The following NAALADL2 variants were observed in gnomAD, a reference collection of about 807,000 sequenced individuals.
NAALADL2 encodes the protein inactive N-acetylated-alpha-linked acidic dipeptidase-like protein 2.
A neutral mutation model predicts 87.2 loss-of-function variants in NAALADL2; 76 were observed. The observed-to-expected ratio is 0.87, with a 90% CI of 0.72 to 1.05. The LOEUF is 1.05. Among genes scored for constraint, NAALADL2 ranks in the 50% least tolerant of loss-of-function variants. The pLI is 0.00. For synonymous variants in NAALADL2, 354 were observed against 331.0 expected (o/e 1.07, Z -0.75); for missense variants, 1,089 against 945.8 (o/e 1.15, Z -1.99).
At chr3:175,771,401 T>A (rs917289090) in intron 13 of NAALADL2, among the ~76,000 whole-genome samples, 1 of 152,208 alleles carries the variant, frequency 6.6e-6, no homozygotes, top group South Asian at 2.1e-4. Context: ...GTAAAAGGCA[T>A]AACCTAAATG....
chr3:175,509,367 G>A (rs971388809), intron 9 of NAALADL2, among the ~76,000 whole-genome samples: 4 of 152,078 alleles, frequency 2.6e-5, no homozygotes, highest in African/African-American at 9.7e-5. Flanking sequence ...GCCCTGTAGG[G>A]CTTCAGATAG....
chr3:175,607,557 T>C (rs1723940871), intron 10 of NAALADL2, among the ~76,000 whole-genome samples: 1 of 151,634 alleles, frequency 6.6e-6, no homozygotes, highest in African/African-American at 2.4e-5. Flanking sequence ...TGTGGAGGGG[T>C]CAATATATGA....
At chr3:175,792,180 T>G (rs751196547) in intron 13 of NAALADL2, among the ~76,000 whole-genome samples, 1 of 152,214 alleles carries the variant, frequency 6.6e-6, no homozygotes, top group Non-Finnish European at 1.5e-5. Flanking sequence ...GACACACGAA[T>G]AAACTGTGAG....
intron 2 of NAALADL2, among the ~76,000 whole-genome samples, chr3:175,198,191 C>A (rs1424063100): frequency 1.3e-5 from 2 of 152,114 alleles, no homozygotes; most frequent in African/African-American, 4.8e-5. Flanking sequence ...TTCCCCAGTA[C>A]TCACTCCTAG....
intron 11 of NAALADL2, among the ~76,000 whole-genome samples, chr3:175,640,585 A>G (rs1327952356): frequency 6.6e-6 from 1 of 152,142 alleles, no homozygotes; most frequent in East Asian, 1.9e-4. Flanking sequence ...AGGAAGCATC[A>G]TTATTTTACT....
intron 3 of NAALADL2, among the ~76,000 whole-genome samples, chr3:175,241,521 C>G (rs1746877849): frequency 6.6e-6 from 1 of 152,124 alleles, no homozygotes; most frequent in Non-Finnish European, 1.5e-5. Flanking sequence ...GTACTCAGCC[C>G]TTAATTACTT....
chr3:175,706,119 A>C (rs189453602), intron 11 of NAALADL2, among the ~76,000 whole-genome samples: 54 of 152,264 alleles, frequency 3.5e-4, no homozygotes, highest in Middle Eastern at 3.4e-3. Flanking sequence ...CAAGGAGTGA[A>C]TGGGAAGAGA....
At chr3:174,950,376 T>C (rs1740157529) in intron 1 of NAALADL2, among the ~76,000 whole-genome samples, 1 of 152,134 alleles carries the variant, frequency 6.6e-6, no homozygotes, top group South Asian at 2.1e-4. Context: ...GGAAATATGC[T>C]TGGTTTGACT....
At chr3:175,180,800 C>T (rs1165564057) in intron 2 of NAALADL2, among the ~76,000 whole-genome samples, 3 of 151,736 alleles carry the variant, frequency 2.0e-5, no homozygotes, top group Non-Finnish European at 4.4e-5. Flanking sequence ...TGGCACTTCT[C>T]TAAATGCTTT....
Position 175,616,955 on chromosome 3 carries a change from C to T in NAALADL2, c.1801-10336C>T, listed in dbSNP as rs1383762208. Among the ~76,000 whole-genome samples, 3 of 152,030 alleles carry T rather than the reference C, an allele frequency of 2.0e-5. No individual in the cohort carries two copies. In the East Asian group the frequency reaches 5.8e-4, roughly 30 times the overall value. ...TTCAGCGAATTTTCCCTTGAGTTGC[C>T]CAAGCTTCTGGATTAATGTCTGAGT... On this transcript the variant is annotated intron_variant, in intron 10 of 13. Transcript: ENST00000454872.
chr3:175,773,791 A>T (rs1278258636), intron 13 of NAALADL2: 2 of 152,140 alleles, frequency 1.3e-5, no homozygotes, highest in African/African-American at 4.8e-5. Flanking sequence ...AAAATATGGC[A>T]GTAAACACTA....
intron 2 of NAALADL2, among the ~76,000 whole-genome samples, chr3:174,663,658 T>C (rs972936977): frequency 6.6e-6 from 1 of 152,142 alleles, no homozygotes; most frequent in African/African-American, 2.4e-5. Context: ...CCTCATGACC[T>C]AAACACCTCC....
At chr3:174,667,397 G>T (rs1021837164) in intron 2 of NAALADL2, among the ~76,000 whole-genome samples, 1 of 152,090 alleles carries the variant, frequency 6.6e-6, no homozygotes, top group African/African-American at 2.4e-5. Context: ...TTTTAAAGGG[G>T]TCTTATCATG....
intron 2 of NAALADL2, among the ~76,000 whole-genome samples, chr3:174,683,250 C>T (rs1375632316): frequency 6.6e-6 from 1 of 151,940 alleles, no homozygotes; most frequent in African/African-American, 2.4e-5. Flanking sequence ...ATGAAGTGTG[C>T]CTACAGGATC....
At chr3:175,786,116 C>T (rs557845061) in intron 13 of NAALADL2, among the ~76,000 whole-genome samples, 3 of 152,018 alleles carry the variant, frequency 2.0e-5, no homozygotes, top group Non-Finnish European at 4.4e-5. Flanking sequence ...CAACCTTTCT[C>T]TCTGGCTGCC....
Position 174,828,167 on chromosome 3 carries a change from C to CAACACAACACAACACA in NAALADL2, c.-9+90422_-9+90423insACACAACACAACACAA, listed in dbSNP as rs1553866755. 6.7e-4 allele frequency among the ~76,000 whole-genome samples: 101 copies of CAACACAACACAACACA among 151,690 alleles called. 1 individual carries two copies. Among genetic ancestry groups the CAACACAACACAACACA allele is most frequent in the African/African-American group, 2.2e-3 (92 of 41,274 alleles). Reference sequence around the variant, plus strand: ...AAGACCTTGTCTCTGAAACCAACCACACACAACACAACACAACACAACACA... The same window carrying CAACACAACACAACACA: ...AAGACCTTGTCTCTGAAACCAACCACAACACAACACAACACAACACAACACAACACAACACAACACA... On this transcript the variant is annotated intron_variant, in intron 3 of 3. Transcript: ENST00000434257.
chr3:174,654,060 T>TTC lies in NAALADL2; in HGVS notation c.-114-83580_-114-83579insCT, dbSNP rs146938955. ...CATAATATTTAGTAATAAGATGGCT[T>TTC]TGTGTGTGTGTGTGTGTGTGTGTGT... On this transcript the variant is annotated intron_variant, in intron 2 of 3. Coordinates refer to the NAALADL2 transcript ENST00000434257. Among the ~76,000 whole-genome samples, 4 of 144,068 alleles carry TTC rather than the reference T, an allele frequency of 2.8e-5. No individual in the cohort carries two copies. In the East Asian group the frequency reaches 8.2e-4, roughly 29 times the overall value. The allele number at this position is 144,068 out of a possible 152,430, so 94.5% of individuals were successfully genotyped here. A position where few individuals can be genotyped will look rare whatever the true frequency, so the allele number is the denominator to read the frequency against.
chr3:175,509,576 GTTTA>G (rs1730844377), intron 9 of NAALADL2, among the ~76,000 whole-genome samples: 1 of 152,114 alleles, frequency 6.6e-6, no homozygotes, highest in South Asian at 2.1e-4. Context: ...AATTATAGGT[GTTTA>G]TTTATTTGAA....
At chr3:175,019,392 T>C (rs1261136613) in intron 1 of NAALADL2, among the ~76,000 whole-genome samples, 1 of 152,086 alleles carries the variant, frequency 6.6e-6, no homozygotes, top group Non-Finnish European at 1.5e-5. Context: ...TGTCAGCAGC[T>C]GCATATTCAT....
Sources: allele counts gnomAD v4.1 joint callset (sites outside exome capture counted in the v4.1 genomes callset), GRCh38; gene constraint gnomAD v4.1.1; transcripts MANE v1.5; gene names NCBI Gene and HGNC (gene_info 2026-07-23, HGNC 2026-07-21).